The following NOVA1 variants were observed in gnomAD, a reference collection of about 807,000 sequenced individuals.
NOVA1 encodes the protein RNA-binding protein Nova-1.
NOVA1 carries 7 observed loss-of-function variants against 38.0 expected under a neutral mutation model. The observed-to-expected ratio is 0.18, with a 90% confidence interval of 0.10 to 0.35. NOVA1 has a LOEUF of 0.35. Ranked by LOEUF, NOVA1 falls within the 10% of genes least tolerant of loss-of-function variation. NOVA1 has a pLI of 1.00. For missense variants in NOVA1, 460 were observed against 616.0 expected, an observed-to-expected ratio of 0.75 and a Z score of 2.68; for synonymous variants, 270 against 232.5, an observed-to-expected ratio of 1.16 and a Z score of -1.47.
intron 4 of NOVA1, among the ~76,000 whole-genome samples, chr14:26,466,063 C>T (rs1013893122): frequency 3.3e-5 from 5 of 151,928 alleles, no homozygotes; most frequent in East Asian, 1.9e-4. Context: ...GACTAGAAAG[C>T]GATGAAGATG....
rs1215369033 is a variant in NOVA1, at chr14:26,446,103, T to C, written c.*1856A>G. On this transcript the variant is annotated 3_prime_UTR_variant, in exon 5 of 5. Coordinates refer to ENST00000539517, the MANE Select transcript of NOVA1 (RefSeq NM_002515.3). ...TTCCCTTTTAAAATCATTCTCTAAA[T>C]AAATATTTAGAGATAGAGAACTCTA... The C allele has an allele frequency of 1.3e-5, 2 of 149,378 alleles. No homozygotes were observed. Among genetic ancestry groups the C allele is most frequent in the Non-Finnish European group, 3.0e-5 (2 of 67,350 alleles). The allele number at this position is 149,378 out of a possible 1,614,324, so 9.3% of individuals were successfully genotyped here.
chr14:26,515,033 T>G (rs148212603), intron 2 of NOVA1, among the ~76,000 whole-genome samples: 61 of 152,036 alleles, frequency 4.0e-4, no homozygotes, highest in Non-Finnish European at 7.4e-4. Context: ...TACTTATTCT[T>G]TCTTCCAGTG....
intron 2 of NOVA1, among the ~76,000 whole-genome samples, chr14:26,568,045 A>C (rs1357131514): frequency 6.6e-6 from 1 of 152,180 alleles, no homozygotes; most frequent in Non-Finnish European, 1.5e-5. Flanking sequence ...ATGAAAAGGG[A>C]ATCTTGGGAA....
intron 2 of NOVA1, among the ~76,000 whole-genome samples, chr14:26,488,341 A>T (rs938310348): frequency 1.3e-5 from 2 of 152,302 alleles, no homozygotes; most frequent in Non-Finnish European, 2.9e-5. Context: ...AGAGAGAATG[A>T]ATGGCAAAGT....
Position 26,535,583 on chromosome 14 carries a change from G to A in NOVA1, c.281-55440C>T, listed in dbSNP as rs139938888. Among the ~76,000 whole-genome samples the A allele has an allele frequency of 3.8e-3, 580 of 152,098 alleles. 3 individuals carry two copies. Among genetic ancestry groups the A allele is most frequent in the African/African-American group, 0.013 (544 of 41,508 alleles). ...AAACCCTGGCATATGTAAAAATTAA[G>A]CAAAAAAATTTAGCATGATTATAGT... On this transcript the variant is annotated intron_variant, in intron 2 of 4. Coordinates refer to ENST00000539517, the MANE Select transcript of NOVA1 (RefSeq NM_002515.3).
At chr14:26,538,967 G>A (rs557253387) in intron 2 of NOVA1, among the ~76,000 whole-genome samples, 1 of 152,062 alleles carries the variant, frequency 6.6e-6, no homozygotes, top group Non-Finnish European at 1.5e-5. Flanking sequence ...TATTCCTGAT[G>A]ACTAGAATGT....
intron 2 of NOVA1, among the ~76,000 whole-genome samples, chr14:26,554,128 GAA>G (rs373999714): frequency 4.4e-5 from 3 of 67,948 alleles, no homozygotes; most frequent in Admixed American, 2.1e-4. Flanking sequence ...CAGCACGGGT[GAA>G]AAAAAAAAAA....
intron 2 of NOVA1, among the ~76,000 whole-genome samples, chr14:26,572,911 TC>T (rs1276084375): frequency 6.6e-6 from 1 of 152,044 alleles, no homozygotes; most frequent in Non-Finnish European, 1.5e-5. Context: ...GTATAAACAA[TC>T]ACATTTATTT....
At chr14:26,469,497 C>A (rs1338085659) in intron 4 of NOVA1, among the ~76,000 whole-genome samples, 1 of 151,556 alleles carries the variant, frequency 6.6e-6, no homozygotes, top group African/African-American at 2.4e-5. Context: ...CATAACCTAA[C>A]ATTTATATGA....
At chr14:26,593,178 G>A (rs1321795316) in intron 2 of NOVA1, 1 of 151,668 alleles carries the variant, frequency 6.6e-6, no homozygotes, top group Non-Finnish European at 1.5e-5. Context: ...ATAACTTGAT[G>A]ATATGATCAC....
In NOVA1 at chr14:26,515,584, T is replaced by C. The variant is rs182772348; in HGVS notation, c.281-35441A>G. On this transcript the variant is annotated intron_variant, in intron 2 of 4. Transcript: ENST00000539517. Reference sequence around the variant, plus strand: ...GCAAACTTTTAACTTACAAAACTTATCAGTATCTATAGTCTATCATGGTTA... The same window carrying C: ...GCAAACTTTTAACTTACAAAACTTACCAGTATCTATAGTCTATCATGGTTA... 7.2e-5 allele frequency among the ~76,000 whole-genome samples: 11 copies of C among 152,076 alleles called. No individual in the cohort carries two copies. In the East Asian group the frequency reaches 1.2e-3, roughly 16 times the overall value.
intron 2 of NOVA1, among the ~76,000 whole-genome samples, chr14:26,561,969 T>C (rs1340492234): frequency 6.6e-6 from 1 of 152,202 alleles, no homozygotes; most frequent in African/African-American, 2.4e-5. Context: ...TCGTTTATAT[T>C]AAAGTTTTGT....
chr14:26,500,927 C>A (rs1330665693), intron 2 of NOVA1, among the ~76,000 whole-genome samples: 1 of 151,842 alleles, frequency 6.6e-6, no homozygotes, highest in East Asian at 1.9e-4. Context: ...AAAAAAAGTG[C>A]ATTTATGTCC....
rs563401938 is a variant in NOVA1 at position 26,597,507 on chromosome 14, C to CTTTTTTTT, written c.-79_-72dup. ...GTTTTGGCTTTTTCTTTTCTTTTTT[C>CTTTTTTTT]TTTTTTTTTTTTTTTTTTTTTTGCG... is the stretch of plus-strand genomic sequence containing the variant. On this transcript the variant is annotated 5_prime_UTR_variant, in exon 1 of 5. Coordinates refer to ENST00000539517, the MANE Select transcript of NOVA1 (RefSeq NM_002515.3). 947 of 781,216 alleles carry CTTTTTTTT rather than the reference C, an allele frequency of 1.2e-3. No homozygotes were observed. The highest frequency in any genetic ancestry group is 0.011 in the Admixed American group (50 of 4,432). The allele number at this position is 781,216 out of a possible 1,614,324, so 48.4% of individuals were successfully genotyped here.
intron 3 of NOVA1, among the ~76,000 whole-genome samples, chr14:26,477,814 G>C (rs1364939007): frequency 6.6e-6 from 1 of 151,764 alleles, no homozygotes; most frequent in African/African-American, 2.4e-5. Context: ...AGAGCAAAAG[G>C]TCTGACTGAT....
rs571394355 is a variant in NOVA1, at chr14:26,447,773, ATTCT to A, written c.*182_*185del. 3.3e-5 allele frequency: 20 copies of A among 606,968 alleles called. No homozygotes were observed. The highest frequency in any genetic ancestry group is 2.1e-4 in the Admixed American group (7 of 33,592). 37.6% of individuals were successfully genotyped at this position (606,968 alleles called of 1,614,324 possible). A position where few individuals can be genotyped will look rare whatever the true frequency, so the allele number is the denominator to read the frequency against. ...AGAGAACAAAACAGATCAAGAAAAA[ATTCT>A]TTCTATGAAACATCTGGTAAAACAC... On this transcript the variant is annotated 3_prime_UTR_variant, in exon 5 of 5. Transcript: ENST00000539517.
rs2138838957 is a variant in NOVA1 at position 26,597,640 on chromosome 14, G to A, written c.-204C>T. On this transcript the variant is annotated 5_prime_UTR_variant, in exon 1 of 5. Coordinates refer to ENST00000539517, the MANE Select transcript of NOVA1 (RefSeq NM_002515.3). ...CTCACTGGGGAGGGGGCAGGGCTGA[G>A]GAGCAGCTGCAGTGCAGTGTCAGAA... The A allele has an allele frequency of 8.2e-7, 1 of 1,213,722 alleles. No individual in the cohort carries two copies. Among genetic ancestry groups the A allele is most frequent in the Middle Eastern group, 3.2e-4 (1 of 3,150 alleles). The allele number at this position is 1,213,722 out of a possible 1,614,324, so 75.2% of individuals were successfully genotyped here. A position where few individuals can be genotyped will look rare whatever the true frequency, so the allele number is the denominator to read the frequency against.
intron 2 of NOVA1, among the ~76,000 whole-genome samples, chr14:26,542,023 A>T (rs922600456): frequency 1.3e-5 from 2 of 151,944 alleles, no homozygotes; most frequent in Non-Finnish European, 2.9e-5. Flanking sequence ...TCCTAAGCCA[A>T]TAAGTGCTAA....
intron 4 of NOVA1, among the ~76,000 whole-genome samples, chr14:26,462,455 G>C (rs1883760897): frequency 6.6e-6 from 1 of 150,906 alleles, no homozygotes; most frequent in Non-Finnish European, 1.5e-5. Flanking sequence ...CATTTCAAGA[G>C]GCGTCATGAA....
Sources: allele counts gnomAD v4.1 joint callset (sites outside exome capture counted in the v4.1 genomes callset), GRCh38; gene constraint gnomAD v4.1.1; transcripts MANE v1.5; gene names NCBI Gene and HGNC (gene_info 2026-07-23, HGNC 2026-07-21).